MBD5: variants seen among roughly 807,000 people sequenced by gnomAD.
MBD5 encodes methyl-CpG binding domain protein 5, also known as methyl-CpG-binding domain protein 5.
A neutral mutation model predicts 117.3 loss-of-function variants in MBD5; 13 were observed. The observed-to-expected ratio is 0.11, with a 90% confidence interval of 0.07 to 0.18. MBD5 has a LOEUF of 0.18. Ranked by LOEUF, MBD5 falls within the 10% of genes least tolerant of loss-of-function variation. MBD5 has a pLI of 1.00. For missense variants in MBD5, 1,879 were observed against 2,093.8 expected (o/e 0.90, Z 2.00); for synonymous variants, 727 against 766.4 (o/e 0.95, Z 0.85).
intron 3 of MBD5, among the ~76,000 whole-genome samples, chr2:148,325,463 C>T (rs1574288949): frequency 6.6e-6 from 1 of 152,164 alleles, no homozygotes; most frequent in African/African-American, 2.4e-5. Flanking sequence ...TCCGTCTGGT[C>T]CTGGACTCTT....
At chr2:148,283,961 C>G (rs1701311025) in intron 3 of MBD5, among the ~76,000 whole-genome samples, 1 of 152,178 alleles carries the variant, frequency 6.6e-6, no homozygotes. Flanking sequence ...CCTGCTGCCA[C>G]CTACTTCTGG....
intron 3 of MBD5, among the ~76,000 whole-genome samples, chr2:148,277,995 T>C (rs1474072153): frequency 2.6e-5 from 4 of 152,190 alleles, no homozygotes; most frequent in Non-Finnish European, 4.4e-5. Flanking sequence ...ATAGTCAAGA[T>C]ACAGAACCTC....
chr2:148,483,629 C>T lies in MBD5; in HGVS notation c.3038C>T (p.Ser1013Leu), dbSNP rs775568734. ...LPLPSFNLTISDLLQQQNTPL... is the reference protein window; with the variant it reads ...LPLPSFNLTILDLLQQQNTPL... ...CTGCCATCTTTCAATCTGACCATCT[C>T]AGATCTTTTGCAACAGCAAAATACC... Residue 1013 changes from serine (S) to leucine (L), a missense_variant, in exon 9 of 14, where the codon TCA becomes TTA. Ser to Leu is a moderately radical substitution (Grantham distance 145). Coordinates refer to ENST00000642680, the MANE Select transcript of MBD5 (RefSeq NM_001378120.1). 2 of 1,551,910 alleles carry T rather than the reference C, an allele frequency of 1.3e-6. No homozygotes were observed. The highest frequency in any genetic ancestry group is 2.4e-5 in the South Asian group (2 of 84,384).
chr2:148,479,550 G>C (rs1269380716), intron 8 of MBD5, among the ~76,000 whole-genome samples: 1 of 152,148 alleles, frequency 6.6e-6, no homozygotes, highest in Non-Finnish European at 1.5e-5. Flanking sequence ...TAATGGTTTA[G>C]AAAGATGATT....
intron 4 of MBD5, among the ~76,000 whole-genome samples, chr2:148,423,829 A>T (rs1165867400): frequency 6.6e-6 from 1 of 152,154 alleles, no homozygotes; most frequent in Non-Finnish European, 1.5e-5. Context: ...GGACACACAT[A>T]GGTTCAAAAT....
chr2:148,120,102 T>A (rs1310274547), intron 1 of MBD5, among the ~76,000 whole-genome samples: 1 of 152,118 alleles, frequency 6.6e-6, no homozygotes, highest in Non-Finnish European at 1.5e-5. Context: ...TTTCTAGAGA[T>A]GGAGTTTTGC....
chr2:148,430,328 T>G (rs1371993055), intron 4 of MBD5, among the ~76,000 whole-genome samples: 1 of 152,158 alleles, frequency 6.6e-6, no homozygotes, highest in African/African-American at 2.4e-5. Context: ...TCACAGCAAG[T>G]AGCAGACTAA....
At chr2:148,096,425 A>G (rs1392598978) in intron 1 of MBD5, among the ~76,000 whole-genome samples, 1 of 152,190 alleles carries the variant, frequency 6.6e-6, no homozygotes, top group Non-Finnish European at 1.5e-5. Flanking sequence ...CCAAAATGTC[A>G]ACAATGTGAG....
chr2:148,262,661 A>C (rs1700759771), intron 3 of MBD5, among the ~76,000 whole-genome samples: 1 of 152,222 alleles, frequency 6.6e-6, no homozygotes, highest in Non-Finnish European at 1.5e-5. Context: ...CGTATATGAA[A>C]AGGCAATGCT....
chr2:148,509,702 A>T (rs1009930834), intron 12 of MBD5, among the ~76,000 whole-genome samples: 3 of 152,204 alleles, frequency 2.0e-5, no homozygotes, highest in Admixed American at 2.0e-4. Flanking sequence ...GAAAGAAACA[A>T]GAAGCAACAC....
At chr2:148,476,466 A>C (rs1680968580) in intron 8 of MBD5, among the ~76,000 whole-genome samples, 1 of 152,306 alleles carries the variant, frequency 6.6e-6, no homozygotes, top group South Asian at 2.1e-4. Flanking sequence ...ATTTTTTAAT[A>C]ACAGCCATGA....
intron 4 of MBD5, among the ~76,000 whole-genome samples, chr2:148,367,944 A>G (rs943373581): frequency 3.3e-5 from 5 of 152,194 alleles, no homozygotes; most frequent in African/African-American, 1.2e-4. Context: ...CTAAACCAGA[A>G]ATACCACTTG....
intron 3 of MBD5, among the ~76,000 whole-genome samples, chr2:148,319,593 A>G (rs1048203508): frequency 1.3e-5 from 2 of 152,178 alleles, no homozygotes; most frequent in South Asian, 2.1e-4. Context: ...TGATATCTGT[A>G]TGGTAATTTT....
At chr2:148,226,699 C>T (rs2106108995) in intron 2 of MBD5, among the ~76,000 whole-genome samples, 1 of 152,224 alleles carries the variant, frequency 6.6e-6, no homozygotes, top group East Asian at 1.9e-4. Flanking sequence ...CCGACTTCCA[C>T]AATGGTTGAA....
At chr2:148,460,116 T>C (rs1017302280) in intron 5 of MBD5, 2 of 152,186 alleles carry the variant, frequency 1.3e-5, no homozygotes, top group African/African-American at 2.4e-5. Flanking sequence ...TTTATACTTA[T>C]GGTTGTTCTA....
At chr2:148,040,317 A>C (rs993879952) in intron 1 of MBD5, among the ~76,000 whole-genome samples, 2 of 152,146 alleles carry the variant, frequency 1.3e-5, no homozygotes, top group Non-Finnish European at 1.5e-5. Flanking sequence ...TGATTGTGTG[A>C]CTGCACTCCA....
In MBD5 at chr2:148,126,514, G is replaced by A. The variant is rs546964866; in HGVS notation, c.-924-52186G>A. On this transcript the variant is annotated intron_variant, in intron 1 of 13. Transcript: ENST00000642680. ...TTAGATGGCTACATATTACCTTCCA[G>A]CATTTGCTGTATATGGTAAGTGTTT... Among the ~76,000 whole-genome samples, 22 of 152,016 alleles carry A rather than the reference G, an allele frequency of 1.4e-4. No homozygotes were observed. The East Asian group carries it at 3.3e-3, about 23-fold the overall frequency.
intron 3 of MBD5, among the ~76,000 whole-genome samples, chr2:148,236,603 A>T (rs960090951): frequency 6.6e-6 from 1 of 152,176 alleles, no homozygotes; most frequent in Non-Finnish European, 1.5e-5. Context: ...CTGCAAACAG[A>T]TATGCTGTCC....
intron 3 of MBD5, among the ~76,000 whole-genome samples, chr2:148,278,533 T>C (rs1239980319): frequency 6.6e-6 from 1 of 152,192 alleles, no homozygotes; most frequent in Non-Finnish European, 1.5e-5. Flanking sequence ...TTTAAGTATA[T>C]TAAGGCCATC....
Sources: allele counts gnomAD v4.1 joint callset (sites outside exome capture counted in the v4.1 genomes callset), GRCh38; gene constraint gnomAD v4.1.1; transcripts MANE v1.5; gene names NCBI Gene and HGNC (gene_info 2026-07-23, HGNC 2026-07-21).